NFIB: variants seen among roughly 807,000 people sequenced by gnomAD.
The protein encoded by NFIB is nuclear factor 1 B-type.
A neutral mutation model predicts 61.5 loss-of-function variants in NFIB; 11 were observed. The observed-to-expected ratio is 0.18, with a 90% CI of 0.11 to 0.30. The LOEUF (loss-of-function observed/expected upper bound fraction) is 0.30, where lower values mean the gene tolerates loss of function less well. NFIB is among the 10% of genes least tolerant of loss of function. The pLI is 1.00. For missense variants in NFIB, 471 were observed against 608.9 expected, an observed-to-expected ratio of 0.77 and a Z score of 2.38; for synonymous variants, 260 against 216.5, an observed-to-expected ratio of 1.20 and a Z score of -1.76.
chr9:14,466,059 T>C, the NFIB span, among the ~76,000 whole-genome samples: 125,557 of 151,984 alleles, frequency 0.83, 52,069 homozygotes, highest in African/African-American at 0.89. Flanking sequence ...CACTCTCCTG[T>C]GAGCGGCTTA....
chr9:14,364,097 AG>A (rs1167315484), intron 1 of NFIB, among the ~76,000 whole-genome samples: 1 of 152,174 alleles, frequency 6.6e-6, no homozygotes, highest in Non-Finnish European at 1.5e-5. Flanking sequence ...ATTGGGTCAA[AG>A]GGTATGAGTA....
chr9:14,144,415 G>A (rs2042072326), intron 6 of NFIB, among the ~76,000 whole-genome samples: 1 of 152,156 alleles, frequency 6.6e-6, no homozygotes, highest in South Asian at 2.1e-4. Flanking sequence ...GACAATGTCA[G>A]TAAAACAAGC....
intron 1 of NFIB, among the ~76,000 whole-genome samples, chr9:14,378,941 C>A (rs2061451949): frequency 6.6e-6 from 1 of 152,134 alleles, no homozygotes; most frequent in African/African-American, 2.4e-5. Context: ...AGTTCAGTAA[C>A]ATTGAGAAGG....
the NFIB span, among the ~76,000 whole-genome samples, chr9:14,404,027 G>A: frequency 6.6e-6 from 1 of 152,130 alleles, no homozygotes; most frequent in Non-Finnish European, 1.5e-5. Context: ...ATAAAATGGA[G>A]AAAACCTGAA....
chr9:14,329,805 G>A (rs1474454134), intron 1 of NFIB, among the ~76,000 whole-genome samples: 2 of 150,860 alleles, frequency 1.3e-5, no homozygotes, highest in Non-Finnish European at 3.0e-5. Context: ...GAGCCACCAC[G>A]CCCAGCCATC....
intron 1 of NFIB, chr9:14,321,974 T>A: frequency 8.1e-7 from 1 of 1,230,846 alleles, no homozygotes; most frequent in Non-Finnish European, 1.0e-6. Context: ...AAAAGAGATC[T>A]TGAGTCTGTA....
At chr9:14,311,147 T>C (rs1364269240) in intron 1 of NFIB, among the ~76,000 whole-genome samples, 1 of 152,160 alleles carries the variant, frequency 6.6e-6, no homozygotes, top group Non-Finnish European at 1.5e-5. Flanking sequence ...GATATGCTGA[T>C]TTTGTAGCAT....
At chr9:14,323,350 G>A (rs1359584356) in intron 1 of NFIB, among the ~76,000 whole-genome samples, 1 of 152,134 alleles carries the variant, frequency 6.6e-6, no homozygotes, top group African/African-American at 2.4e-5. Flanking sequence ...CAGCATTTTG[G>A]AAACAAATAT....
At chr9:14,428,770 T>C in the NFIB span, among the ~76,000 whole-genome samples, 12 of 152,264 alleles carry the variant, frequency 7.9e-5, 1 homozygote, top group South Asian at 1.2e-3. Context: ...TTCCCCCAGA[T>C]TGCAGGTGGA....
the NFIB span, among the ~76,000 whole-genome samples, chr9:14,405,157 A>G: frequency 6.6e-6 from 1 of 152,210 alleles, no homozygotes; most frequent in South Asian, 2.1e-4. Context: ...TCCTTCAACT[A>G]TCAGCTGGCT....
rs1172594328 is a variant in NFIB at position 14,328,711 on chromosome 9, T to C, written c.109-21191A>G. On this transcript the variant is annotated intron_variant, in intron 1 of 8. Coordinates refer to the NFIB transcript ENST00000380934. The stretch of plus-strand genomic sequence containing the variant: ...ATAATTTTTCCACTTAATTTTCTAT[T>C]TGTATTGTTGATATTAGTGAATGGT... Among the ~76,000 whole-genome samples the C allele has an allele frequency of 3.9e-5, 6 of 152,048 alleles. No individual in the cohort carries two copies. The East Asian group carries it at 1.2e-3, about 29-fold the overall frequency.
the NFIB span, among the ~76,000 whole-genome samples, chr9:14,519,094 G>A: frequency 6.6e-6 from 1 of 152,268 alleles, no homozygotes; most frequent in Non-Finnish European, 1.5e-5. Flanking sequence ...GTGTATGGTG[G>A]TGATGGTGGG....
chr9:14,082,950 A>C lies in NFIB; in HGVS notation c.*5359T>G, dbSNP rs1181519335. 1 of 207,014 alleles carries C rather than the reference A, an allele frequency of 4.8e-6. No homozygotes were observed. Among genetic ancestry groups the C allele is most frequent in the East Asian group, 7.4e-5 (1 of 13,596 alleles). The allele number at this position is 207,014 out of a possible 1,614,324, so 12.8% of individuals were successfully genotyped here. A position where few individuals can be genotyped will look rare whatever the true frequency, so the allele number is the denominator to read the frequency against. Reference sequence around the variant, plus strand: ...ATTTAGGCCACCTGTTGTTCCTGGTACTGTATCATGCAATAAGTCATCAAG... The same window carrying C: ...ATTTAGGCCACCTGTTGTTCCTGGTCCTGTATCATGCAATAAGTCATCAAG... On this transcript the variant is annotated 3_prime_UTR_variant, in exon 11 of 11. Transcript: ENST00000380953.
At chr9:14,412,738 C>G in the NFIB span, among the ~76,000 whole-genome samples, 1 of 152,148 alleles carries the variant, frequency 6.6e-6, no homozygotes, top group African/African-American at 2.4e-5. Flanking sequence ...AAGGCACTCC[C>G]CAGAGGGGAG....
chr9:14,258,532 G>A (rs933523755), intron 2 of NFIB, among the ~76,000 whole-genome samples: 1 of 152,196 alleles, frequency 6.6e-6, no homozygotes, highest in Non-Finnish European at 1.5e-5. Context: ...TACATTCCCT[G>A]TGAATTCTTT....
intron 7 of NFIB, 60 bp downstream of exon 7, chr9:14,125,572 A>C (rs2039538474): frequency 6.3e-7 from 1 of 1,597,156 alleles, no homozygotes; most frequent in African/African-American, 1.4e-5. Context: ...CTCCGTCCCT[A>C]AGGGGGTTAG....
intron 3 of NFIB, among the ~76,000 whole-genome samples, chr9:14,169,618 C>T (rs2045336491): frequency 6.6e-6 from 1 of 152,110 alleles, no homozygotes; most frequent in Non-Finnish European, 1.5e-5. Context: ...GTCAGGAGTT[C>T]AAGACCAGCC....
chr9:14,351,662 T>C (rs1439269075), intron 1 of NFIB, among the ~76,000 whole-genome samples: 1 of 152,222 alleles, frequency 6.6e-6, no homozygotes, highest in African/African-American at 2.4e-5. Flanking sequence ...TGACAACTTC[T>C]CCTAGAAAGA....
At chr9:14,253,437 G>A (rs1386632942) in intron 2 of NFIB, among the ~76,000 whole-genome samples, 1 of 152,198 alleles carries the variant, frequency 6.6e-6, no homozygotes, top group Non-Finnish European at 1.5e-5. Flanking sequence ...CTGGAAGTGT[G>A]TGGTTTTCTC....
Sources: allele counts gnomAD v4.1 joint callset (sites outside exome capture counted in the v4.1 genomes callset), GRCh38; gene constraint gnomAD v4.1.1; transcripts MANE v1.5; gene names NCBI Gene and HGNC (gene_info 2026-07-23, HGNC 2026-07-21).